The following CREBBP variants were observed in gnomAD, a reference collection of about 807,000 sequenced individuals.
CREBBP encodes the protein CREB-binding protein.
Under a neutral mutation model 265.0 loss-of-function variants are expected in CREBBP, and 19 were observed. The ratio of observed to expected loss-of-function variants is 0.07; its 90% CI spans 0.05 to 0.11. The LOEUF (loss-of-function observed/expected upper bound fraction) is 0.11, where lower values mean the gene tolerates loss of function less well. Among genes scored for constraint, CREBBP ranks in the 10% least tolerant of loss-of-function variants. CREBBP has a pLI of 1.00. For synonymous variants in CREBBP, 1,457 were observed against 1,223.7 expected, an observed-to-expected ratio of 1.19 and a Z score of -3.98; for missense variants, 2,525 against 3,219.0, an observed-to-expected ratio of 0.78 and a Z score of 5.22.
chr16:3,745,209 A>G, intron 22 of CREBBP, 68 bp downstream of exon 22: 1 of 1,301,064 alleles, frequency 7.7e-7, no homozygotes, highest in Non-Finnish European at 1.1e-6. Context: ...GAGATGCAGT[A>G]GCCACTGCAA....
intron 2 of CREBBP, among the ~76,000 whole-genome samples, chr16:3,831,581 T>C (rs1206312651): frequency 6.6e-6 from 1 of 151,922 alleles, no homozygotes; most frequent in Non-Finnish European, 1.5e-5. Flanking sequence ...AAGAAAAGGC[T>C]GACAACAACA....
intron 2 of CREBBP, among the ~76,000 whole-genome samples, chr16:3,844,839 C>T (rs1385289872): frequency 6.6e-6 from 1 of 152,092 alleles, no homozygotes; most frequent in Non-Finnish European, 1.5e-5. Flanking sequence ...TCATCACCAA[C>T]AGCAACAAAA....
intron 1 of CREBBP, among the ~76,000 whole-genome samples, chr16:3,863,992 C>G (rs914580777): frequency 6.6e-6 from 1 of 152,206 alleles, no homozygotes; most frequent in Non-Finnish European, 1.5e-5. Context: ...AGTCAGCTGC[C>G]TATCCACCCT....
intron 3 of CREBBP, among the ~76,000 whole-genome samples, chr16:3,799,402 A>C (rs553327836): frequency 1.4e-3 from 216 of 152,382 alleles, no homozygotes; most frequent in African/African-American, 5.1e-3. Context: ...TAATCTATCT[A>C]TATGGCCAAG....
At chr16:3,737,695 C>G (rs1209987532) in intron 26 of CREBBP, among the ~76,000 whole-genome samples, 1 of 151,368 alleles carries the variant, frequency 6.6e-6, no homozygotes, top group African/African-American at 2.4e-5. Flanking sequence ...AACTCCTGAT[C>G]TCAGGTGATC....
intron 21 of CREBBP, among the ~76,000 whole-genome samples, chr16:3,747,384 G>A (rs2052366810): frequency 6.6e-6 from 1 of 152,128 alleles, no homozygotes; most frequent in East Asian, 1.9e-4. Flanking sequence ...TAGTTTTATT[G>A]AGCAACCTGT....
chr16:3,763,477 T>G (rs2052771185), intron 16 of CREBBP, among the ~76,000 whole-genome samples: 1 of 152,094 alleles, frequency 6.6e-6, no homozygotes. Flanking sequence ...AATTTTGTTT[T>G]GAGACGAAGT....
intron 5 of CREBBP, 35 bp downstream of exon 5, chr16:3,791,946 C>T (rs1432726825): frequency 1.3e-6 from 2 of 1,529,080 alleles, no homozygotes; most frequent in Admixed American, 3.3e-5. Context: ...CTTCTATTCT[C>T]ATCTCCAAGC....
In CREBBP at chr16:3,864,113, G is replaced by A. The variant is rs529942080; in HGVS notation, c.86-13104C>T. ...AGCAGCCCCAGACCCCAGATTCCCAGCCACCTCAGATTCCCCAGCCATATT... is the reference window on the plus strand; with the variant it reads ...AGCAGCCCCAGACCCCAGATTCCCAACCACCTCAGATTCCCCAGCCATATT... On this transcript the variant is annotated intron_variant, in intron 1 of 30. Transcript: ENST00000262367. 5.9e-5 allele frequency among the ~76,000 whole-genome samples: 9 copies of A among 152,290 alleles called. No individual in the cohort carries two copies. In the South Asian group the frequency reaches 1.9e-3, roughly 32 times the overall value.
intron 2 of CREBBP, among the ~76,000 whole-genome samples, chr16:3,814,705 GT>G (rs942356777): frequency 5.9e-5 from 9 of 152,122 alleles, no homozygotes; most frequent in African/African-American, 1.9e-4. Context: ...TTCTCACAAG[GT>G]AAAAAAGATG....
At chr16:3,797,418 C>T (rs1405012857) in intron 3 of CREBBP, among the ~76,000 whole-genome samples, 1 of 152,014 alleles carries the variant, frequency 6.6e-6, no homozygotes, top group African/African-American at 2.4e-5. Flanking sequence ...GTTCCAACTC[C>T]CAGTGGATGC....
rs528036621 is a variant in CREBBP, at chr16:3,764,623, G to T, written c.3250+3097C>A. 2.0e-5 allele frequency among the ~76,000 whole-genome samples: 3 copies of T among 152,138 alleles called. No homozygotes were observed. The South Asian group carries it at 6.2e-4, about 32-fold the overall frequency. ...TTTTGAGATAGGGCCTTGCTCTGTT[G>T]TCCAGGCTGGAGTCCAACAGTGGCA... is the stretch of plus-strand genomic sequence containing the variant. On this transcript the variant is annotated intron_variant, in intron 16 of 30. Coordinates refer to ENST00000262367, the MANE Select transcript of CREBBP (RefSeq NM_004380.3).
intron 1 of CREBBP, among the ~76,000 whole-genome samples, chr16:3,856,878 G>C (rs1341282512): frequency 6.6e-6 from 1 of 152,184 alleles, no homozygotes; most frequent in Non-Finnish European, 1.5e-5. Flanking sequence ...CTTCCTAGGA[G>C]AGGGAGGCCA....
chr16:3,833,349 T>A (rs1033720105), intron 2 of CREBBP, among the ~76,000 whole-genome samples: 3 of 152,116 alleles, frequency 2.0e-5, no homozygotes, highest in African/African-American at 7.2e-5. Context: ...GAGGTGGAGG[T>A]TGCAGTGAGG....
intron 2 of CREBBP, among the ~76,000 whole-genome samples, chr16:3,843,028 C>A (rs2054596585): frequency 7.3e-6 from 1 of 136,138 alleles, no homozygotes; most frequent in Admixed American, 7.2e-5. Flanking sequence ...TCACAAACAT[C>A]AAAAATGACA....
In CREBBP at chr16:3,726,281, C is replaced by A. The variant is rs2051742879; in HGVS notation, c.*1437G>T. The A allele has an allele frequency of 4.3e-6, 1 of 233,240 alleles. No homozygotes were observed. Among genetic ancestry groups the A allele is most frequent in the East Asian group, 6.0e-5 (1 of 16,598 alleles). The allele number at this position is 233,240 out of a possible 1,614,324, so 14.4% of individuals were successfully genotyped here. ...CTGAACACGGGAAGAAGCGCCGCCT[C>A]TGGGGGTGGCAGCTACGACGGACAG... On this transcript the variant is annotated 3_prime_UTR_variant, in exon 31 of 31. Coordinates refer to ENST00000262367, the MANE Select transcript of CREBBP (RefSeq NM_004380.3).
At chr16:3,804,909 T>C (rs958320285) in intron 3 of CREBBP, among the ~76,000 whole-genome samples, 1 of 152,258 alleles carries the variant, frequency 6.6e-6, no homozygotes, top group Non-Finnish European at 1.5e-5. Flanking sequence ...TGCTGGTTAA[T>C]GGGAAACCCA....
At chr16:3,846,367 A>C (rs965475189) in intron 2 of CREBBP, among the ~76,000 whole-genome samples, 4 of 152,250 alleles carry the variant, frequency 2.6e-5, no homozygotes, top group African/African-American at 9.6e-5. Context: ...TGAAGGTGTA[A>C]TTTGCACAAT....
At chr16:3,771,574 A>T (rs1359222954) in intron 13 of CREBBP, among the ~76,000 whole-genome samples, 1 of 152,052 alleles carries the variant, frequency 6.6e-6, no homozygotes, top group Non-Finnish European at 1.5e-5. Context: ...ACTCGGATAC[A>T]TTCCAAGACC....
Sources: allele counts gnomAD v4.1 joint callset (sites outside exome capture counted in the v4.1 genomes callset), GRCh38; gene constraint gnomAD v4.1.1; transcripts MANE v1.5; gene names NCBI Gene and HGNC (gene_info 2026-07-23, HGNC 2026-07-21).